The following CAMSAP1 variants were observed in gnomAD, a reference collection of about 807,000 sequenced individuals.
CAMSAP1 encodes calmodulin-regulated spectrin-associated protein 1.
In CAMSAP1, 58 loss-of-function variants were observed where a neutral mutation model predicts 143.5. The ratio of observed to expected loss-of-function variants is 0.40; its 90% confidence interval spans 0.33 to 0.50. The LOEUF is 0.50. CAMSAP1 is among the 20% of genes least tolerant of loss of function. The pLI is 0.45. For missense variants in CAMSAP1, 1,969 were observed against 2,115.7 expected (o/e 0.93, Z 1.36); for synonymous variants, 945 against 859.3 (o/e 1.10, Z -1.74).
intron 4 of CAMSAP1, 91 bp from the exon 5 acceptor site, chr9:135,862,699 A>G (rs182452320): frequency 1.7e-5 from 22 of 1,303,644 alleles, no homozygotes; most frequent in East Asian, 1.5e-4. Context: ...GAGAATTAAC[A>G]TAACGCCTAA....
At position 135,822,617 on chromosome 9, in the gene CAMSAP1, GC is replaced by G; in HGVS notation, c.2043del (p.Pro682LeufsTer23). ...GGATCGAATCCGCCAAGGGCCAGAG[GC>G]CCACCACAGACCTCTCCTGCGGTTT... ...SVETAGEVCG[G>X]PLALGGFDPF... is the part of the protein sequence containing the mutation. On this transcript the variant is annotated frameshift_variant, in exon 11 of 17. Coordinates refer to ENST00000389532, the MANE Select transcript of CAMSAP1 (RefSeq NM_015447.4). LOFTEE classifies it high-confidence loss of function. This position sits in a 1 kb window ranked among gnomAD's most constrained non-coding sequence, Gnocchi z 6.1. 1 of 1,612,938 alleles carries G rather than the reference GC, an allele frequency of 6.2e-7. No individual in the cohort carries two copies. Among genetic ancestry groups the G allele is most frequent in the Non-Finnish European group, 8.5e-7 (1 of 1,179,450 alleles).
chr9:135,829,850 CATAAATAAATAAATAA>C (rs10625345), intron 7 of CAMSAP1, among the ~76,000 whole-genome samples: 4 of 142,706 alleles, frequency 2.8e-5, no homozygotes, highest in East Asian at 2.1e-4. Flanking sequence ...GAGACTCTGT[CATAAATAAATAAATAA>C]ATAAATAAAT....
At chr9:135,875,069 C>T (rs1454981680) in intron 3 of CAMSAP1, among the ~76,000 whole-genome samples, 1 of 152,158 alleles carries the variant, frequency 6.6e-6, no homozygotes, top group East Asian at 1.9e-4. Context: ...ATATGCAATA[C>T]TAATAACACA....
intron 3 of CAMSAP1, among the ~76,000 whole-genome samples, chr9:135,870,808 A>T (rs1837544429): frequency 6.6e-6 from 1 of 152,178 alleles, no homozygotes; most frequent in Admixed American, 6.5e-5. Context: ...AAAAAATAAA[A>T]ATAAAAAAAT....
Position 135,882,317 on chromosome 9 carries a change from G to A in CAMSAP1, c.423+499C>T, listed in dbSNP as rs1198527872. ...CCCGCAGTCTCACCGGGAACGCCAT[G>A]GGAGCAACCAAACAAAGGCAGTGCA... On this transcript the variant is annotated intron_variant, in intron 2 of 16. Coordinates refer to ENST00000389532, the MANE Select transcript of CAMSAP1 (RefSeq NM_015447.4). The surrounding 1 kb of genome is among the most constrained non-coding windows in gnomAD (Gnocchi z 4.9). 6.6e-6 allele frequency among the ~76,000 whole-genome samples: 1 copy of A among 152,128 alleles called. No individual in the cohort carries two copies. The highest frequency in any genetic ancestry group is 1.5e-5 in the Non-Finnish European group (1 of 68,022).
At chr9:135,897,552 C>G (rs1838492824) in intron 1 of CAMSAP1, among the ~76,000 whole-genome samples, 1 of 152,154 alleles carries the variant, frequency 6.6e-6, no homozygotes, top group South Asian at 2.1e-4. Context: ...TGACATTAGG[C>G]ATAGTAGTGA....
Position 135,822,022 on chromosome 9 carries a change from T to C in CAMSAP1, c.2639A>G (p.Gln880Arg). 2 of 1,613,032 alleles carry C rather than the reference T, an allele frequency of 1.2e-6. No homozygotes were observed. The highest frequency in any genetic ancestry group is 1.7e-6 in the Non-Finnish European group (2 of 1,179,664). The stretch of plus-strand genomic sequence containing the variant: ...CTTCTCCTCCAGCTGCATGTGCAGC[T>C]GTACCAGCTCAGATGCCAGGAGGCT... ...PASLLASELV[Q>R]LHMQLEEKRR... Residue 880 changes from glutamine to arginine, a missense_variant, in exon 11 of 17, where the codon CAG becomes CGG. By Grantham distance (43) the Gln-to-Arg change is conservative. This residue lies in a region of CAMSAP1 where 1,390 missense variants were observed against 1,420.8 expected (regional missense o/e 0.98). Coordinates refer to ENST00000389532, the MANE Select transcript of CAMSAP1 (RefSeq NM_015447.4). This position sits in a 1 kb window ranked among gnomAD's most constrained non-coding sequence, Gnocchi z 6.1.
chr9:135,818,553 C>G lies in CAMSAP1; in HGVS notation c.4023G>C (p.Lys1341Asn). 6.2e-7 allele frequency: 1 copy of G among 1,613,238 alleles called. No individual in the cohort carries two copies. Among genetic ancestry groups the G allele is most frequent in the Non-Finnish European group, 8.5e-7 (1 of 1,179,850 alleles). Reference sequence around the variant, plus strand: ...GCTGCTTCCTCCGCAGGTACTCCTGCTTGATGAGCTCGCGCCGCGCCTTCT... The same window carrying G: ...GCTGCTTCCTCCGCAGGTACTCCTGGTTGATGAGCTCGCGCCGCGCCTTCT... ...EEEKARRELI[K>N]QEYLRRKQQQ... Residue 1341 changes from lysine (K) to asparagine (N), a missense_variant, in exon 13 of 17, where the codon AAG becomes AAC. Transcript: ENST00000389532. This position sits in a 1 kb window ranked among gnomAD's most constrained non-coding sequence, Gnocchi z 7.7.
intron 16 of CAMSAP1, among the ~76,000 whole-genome samples, chr9:135,812,548 T>C (rs903809192): frequency 3.3e-5 from 5 of 152,102 alleles, no homozygotes; most frequent in East Asian, 1.9e-4. Context: ...GGAGTTTCTT[T>C]TTATGAGGAT....
rs1183113831 is a variant in CAMSAP1 at position 135,882,572 on chromosome 9, A to T, written c.423+244T>A. ...TATTAACAGGCCTCACTCCAATCTC[A>T]GCATTCACAGAGCATTCCCAATGAG... On this transcript the variant is annotated intron_variant, in intron 2 of 16. Transcript: ENST00000389532. This position sits in a 1 kb window ranked among gnomAD's most constrained non-coding sequence, Gnocchi z 4.9. Among the ~76,000 whole-genome samples, 2 of 152,254 alleles carry T rather than the reference A, an allele frequency of 1.3e-5. No homozygotes were observed. Among genetic ancestry groups the T allele is most frequent in the East Asian group, 3.8e-4 (2 of 5,200 alleles).
intron 1 of CAMSAP1, among the ~76,000 whole-genome samples, chr9:135,898,052 ACAT>A (rs1176883644): frequency 2.6e-5 from 4 of 152,226 alleles, no homozygotes; most frequent in Non-Finnish European, 2.9e-5. Context: ...CTAGAGTCTT[ACAT>A]CAGAAAAGAG....
intron 5 of CAMSAP1, among the ~76,000 whole-genome samples, chr9:135,853,342 G>A (rs557525340): frequency 1.3e-5 from 2 of 152,338 alleles, no homozygotes; most frequent in East Asian, 3.9e-4. Flanking sequence ...AGTTGAGCGA[G>A]TCAGGACCAG....
At chr9:135,853,356 G>A (rs1836843725) in intron 5 of CAMSAP1, among the ~76,000 whole-genome samples, 1 of 152,182 alleles carries the variant, frequency 6.6e-6, no homozygotes, top group African/African-American at 2.4e-5. Flanking sequence ...GGACCAGGCT[G>A]GGGATCTGTG....
In CAMSAP1 at chr9:135,821,460, G is replaced by A. The variant is rs1437070553; in HGVS notation, c.3201C>T (p.His1067=). ...CGAAGTGGACTGGTGCCTTCACTTTGTGGTCCTGCGAGTTATTCTTAGAGC... is the reference window on the plus strand; with the variant it reads ...CGAAGTGGACTGGTGCCTTCACTTTATGGTCCTGCGAGTTATTCTTAGAGC... ...VPGSKNNSQD[H]KVKAPVHFVE... The change falls in exon 11 of 17, where the codon CAC becomes CAT. Residue 1067 remains histidine, a synonymous_variant. Transcript: ENST00000389532. This position sits in a 1 kb window ranked among gnomAD's most constrained non-coding sequence, Gnocchi z 4.6. 1 of 1,614,080 alleles carries A rather than the reference G, an allele frequency of 6.2e-7. No individual in the cohort carries two copies. The highest frequency in any genetic ancestry group is 8.5e-7 in the Non-Finnish European group (1 of 1,179,906).
chr9:135,846,682 CAAAAAAAAAAA>C (rs752714756), intron 7 of CAMSAP1, among the ~76,000 whole-genome samples: 1 of 53,698 alleles, frequency 1.9e-5, no homozygotes, highest in African/African-American at 6.0e-5. Flanking sequence ...ACAAATTTAC[CAAAAAAAAAAA>C]AAAAAAAAAA....
intron 7 of CAMSAP1, among the ~76,000 whole-genome samples, chr9:135,840,978 C>T (rs1677308586): frequency 6.6e-6 from 1 of 152,138 alleles, no homozygotes; most frequent in Admixed American, 6.5e-5. Context: ...CTAGTGGTGC[C>T]TGGAACGCCA....
chr9:135,831,433 A>G (rs1470033963), intron 7 of CAMSAP1, among the ~76,000 whole-genome samples: 1 of 152,060 alleles, frequency 6.6e-6, no homozygotes, highest in Non-Finnish European at 1.5e-5. Flanking sequence ...CAGGAGTTCA[A>G]GACAAATCTG....
chr9:135,894,926 G>C (rs186569068), intron 1 of CAMSAP1, among the ~76,000 whole-genome samples: 3 of 152,292 alleles, frequency 2.0e-5, no homozygotes, highest in Admixed American at 2.0e-4. Context: ...GGTAATGAGA[G>C]CCAAATGAAG....
chr9:135,816,729 G>A (rs1835242116), intron 14 of CAMSAP1, among the ~76,000 whole-genome samples: 2 of 152,200 alleles, frequency 1.3e-5, no homozygotes, highest in Admixed American at 6.5e-5. Context: ...GCCCACAGGT[G>A]CACACAGAGC....
Sources: gnomAD v4.1 joint callset for allele counts (sites outside exome capture counted in the v4.1 genomes callset) on GRCh38, gnomAD v4.1.1 for gene constraint, gnomAD v4.1.1 regional missense constraint, Gnocchi (gnomAD v3.1) non-coding constraint, MANE v1.5 for transcripts, NCBI Gene and HGNC (gene_info 2026-07-23, HGNC 2026-07-21) for gene names.